Variants in AHRR observed in about 807,000 individuals in gnomAD.
The protein encoded by AHRR is aryl hydrocarbon receptor repressor.
AHRR carries 28 observed loss-of-function variants against 44.0 expected under a neutral mutation model. The observed-to-expected ratio is 0.64, with a 90% confidence interval of 0.47 to 0.87. The LOEUF (loss-of-function observed/expected upper bound fraction) is 0.87, where lower values mean the gene tolerates loss of function less well. AHRR is among the 40% of genes least tolerant of loss of function. AHRR has a pLI of 0.00. For synonymous variants in AHRR, 434 were observed against 407.0 expected, an observed-to-expected ratio of 1.07 and a Z score of -0.80; for missense variants, 990 against 953.9, an observed-to-expected ratio of 1.04 and a Z score of -0.50.
chr5:360,327 C>T (rs1347596981), intron 3 of AHRR, among the ~76,000 whole-genome samples: 2 of 152,238 alleles, frequency 1.3e-5, no homozygotes, highest in African/African-American at 2.4e-5. Context: ...GCTTTTAGCT[C>T]CAGAAATGTG....
chr5:332,845 A>G (rs896414946), intron 1 of AHRR, among the ~76,000 whole-genome samples: 15 of 151,616 alleles, frequency 9.9e-5, no homozygotes, highest in Non-Finnish European at 1.2e-4. Context: ...TGGGTGCACC[A>G]ATGTTGGATG....
At chr5:415,410 T>C (rs62331588) in intron 5 of AHRR, among the ~76,000 whole-genome samples, 3,232 of 25,926 alleles carry the variant, frequency 0.12, 46 homozygotes, top group Non-Finnish European at 0.17. Flanking sequence ...CCTGGTCGGG[T>C]GGGAGGCCTA....
At chr5:402,383 G>A (rs1579672644) in intron 4 of AHRR, among the ~76,000 whole-genome samples, 1 of 145,020 alleles carries the variant, frequency 6.9e-6, no homozygotes, top group East Asian at 2.0e-4. Context: ...GGGGACCCTC[G>A]TGCACTGTTG....
In AHRR at chr5:435,708, G is replaced by A. The variant is rs1290397479; in HGVS notation, c.*874G>A. On this transcript the variant is annotated 3_prime_UTR_variant, in exon 11 of 11. Transcript: ENST00000684583. ...AGAGAAACACACAACGTAGAGAGAA[G>A]ACACAGGAAACTGCGCTGCCTGTGG... 1 of 152,338 alleles carries A rather than the reference G, an allele frequency of 6.6e-6. No homozygotes were observed. The highest frequency in any genetic ancestry group is 1.5e-5 in the Non-Finnish European group (1 of 68,044). 9.4% of individuals were successfully genotyped at this position (152,338 alleles called of 1,614,324 possible).
rs1183294967 is a variant in AHRR, at chr5:397,972, T to C, written c.352-15372T>C. ...CGTAGCCCCTGACCATCCACATAGCTCCTGACCATCCACGTAGCCCCTGAC... is the reference window on the plus strand; with the variant it reads ...CGTAGCCCCTGACCATCCACATAGCCCCTGACCATCCACGTAGCCCCTGAC... On this transcript the variant is annotated intron_variant, in intron 4 of 10. Transcript: ENST00000684583. Among the ~76,000 whole-genome samples the C allele has an allele frequency of 7.1e-3, 348 of 48,786 alleles. 3 individuals carry two copies. Among genetic ancestry groups the C allele is most frequent in the Middle Eastern group, 0.019 (1 of 52 alleles). 32.0% of individuals were successfully genotyped at this position (48,786 alleles called of 152,430 possible).
At chr5:333,610 A>G (rs1484374470) in intron 1 of AHRR, among the ~76,000 whole-genome samples, 1 of 152,132 alleles carries the variant, frequency 6.6e-6, no homozygotes, top group African/African-American at 2.4e-5. Context: ...AAAACAAAAC[A>G]AAAAACCGGA....
In AHRR at chr5:434,436, T is replaced by C; in HGVS notation, c.1696T>C (p.Phe566Leu). The change falls in exon 11 of 11, where the codon TTC becomes CTC. Residue 566 changes from phenylalanine to leucine, a missense_variant. Coordinates refer to ENST00000684583, the MANE Select transcript of AHRR (RefSeq NM_001377236.1). ...CAGTGACAGGAGCCACCCAGCCACC[T>C]TCCCTACCAGGATGCACCTGAAAAC... Reference protein sequence around the residue: ...GASDRSHPATFPTRMHLKTEP... With the variant: ...GASDRSHPATLPTRMHLKTEP... 5.0e-6 allele frequency: 8 copies of C among 1,613,380 alleles called. No homozygotes were observed. Among genetic ancestry groups the C allele is most frequent in the South Asian group, 1.1e-5 (1 of 91,076 alleles).
At chr5:399,581 C>T (rs1170961129) in intron 4 of AHRR, among the ~76,000 whole-genome samples, 2 of 152,226 alleles carry the variant, frequency 1.3e-5, no homozygotes. Flanking sequence ...CAGACGCTCA[C>T]TGTTGCCGTC....
intron 3 of AHRR, among the ~76,000 whole-genome samples, chr5:364,976 CATA>C (rs1315062985): frequency 1.3e-5 from 2 of 152,022 alleles, no homozygotes; most frequent in East Asian, 3.9e-4. Context: ...CTTTCCATAA[CATA>C]ATTTCAAAAT....
intron 5 of AHRR, among the ~76,000 whole-genome samples, chr5:420,284 TA>T (rs1282133899): frequency 6.6e-6 from 1 of 152,240 alleles, no homozygotes; most frequent in Non-Finnish European, 1.5e-5. Context: ...GATGGAAGCC[TA>T]AACCCAGCAT....
intron 4 of AHRR, among the ~76,000 whole-genome samples, chr5:402,265 C>T (rs1735044210): frequency 2.6e-5 from 4 of 152,238 alleles, no homozygotes; most frequent in Admixed American, 2.6e-4. Flanking sequence ...ACCATCAGGA[C>T]AGCTGTTTCA....
chr5:426,364 A>G (rs1736390270), intron 7 of AHRR, among the ~76,000 whole-genome samples: 1 of 150,426 alleles, frequency 6.6e-6, no homozygotes, highest in Non-Finnish European at 1.5e-5. Flanking sequence ...GGATGGGTGG[A>G]TGGATGGATG....
intron 4 of AHRR, among the ~76,000 whole-genome samples, chr5:408,012 C>T (rs1735336014): frequency 6.6e-6 from 1 of 152,194 alleles, no homozygotes; most frequent in African/African-American, 2.4e-5. Flanking sequence ...AGGGAGTTGG[C>T]AGGTTTCTTC....
intron 3 of AHRR, among the ~76,000 whole-genome samples, chr5:361,546 C>T (rs970729504): frequency 5.9e-5 from 9 of 152,168 alleles, no homozygotes; most frequent in African/African-American, 9.7e-5. Flanking sequence ...TCCTGGATTT[C>T]GGAGAGTGGG....
chr5:323,639 A>G (rs1466946164), intron 1 of AHRR, among the ~76,000 whole-genome samples: 1 of 152,144 alleles, frequency 6.6e-6, no homozygotes, highest in African/African-American at 2.4e-5. Flanking sequence ...GTGGCTTAAC[A>G]GGGTCTTCCC....
chr5:328,829 C>T (rs1417173072), intron 1 of AHRR, among the ~76,000 whole-genome samples: 3 of 152,084 alleles, frequency 2.0e-5, no homozygotes, highest in Non-Finnish European at 4.4e-5. Context: ...TATTTTCTCC[C>T]GTTTAACAGG....
intron 3 of AHRR, 56 bp downstream of exon 3, chr5:353,967 A>C: frequency 6.4e-7 from 1 of 1,554,316 alleles, no homozygotes; most frequent in Non-Finnish European, 8.7e-7. Context: ...GTCTCCCCTG[A>C]GTCCATCTGG....
chr5:362,221 C>A (rs905888299), intron 3 of AHRR, among the ~76,000 whole-genome samples: 1 of 152,238 alleles, frequency 6.6e-6, no homozygotes. Flanking sequence ...GAGAAGGTGG[C>A]TGTCCACAAG....
chr5:403,327 C>G (rs1435788117), intron 4 of AHRR, among the ~76,000 whole-genome samples: 2 of 152,144 alleles, frequency 1.3e-5, no homozygotes, highest in Non-Finnish European at 2.9e-5. Context: ...TGCCACTGAG[C>G]TCAAAATGAC....
Sources: allele counts gnomAD v4.1 joint callset (sites outside exome capture counted in the v4.1 genomes callset), GRCh38; gene constraint gnomAD v4.1.1; transcripts MANE v1.5; gene names NCBI Gene and HGNC (gene_info 2026-07-23, HGNC 2026-07-21).